Variants in COL23A1 observed in about 807,000 individuals in gnomAD.
The protein encoded by COL23A1 is collagen type XXIII alpha 1 chain.
In COL23A1, 97 loss-of-function variants were observed where a neutral mutation model predicts 99.3. The observed-to-expected ratio is 0.98, with a 90% CI of 0.83 to 1.16. The LOEUF is 1.16. Among genes scored for constraint, COL23A1 ranks in the 50% most tolerant of loss-of-function variants. The pLI is 0.00. For synonymous variants in COL23A1, 320 were observed against 308.2 expected, an observed-to-expected ratio of 1.04 and a Z score of -0.40; for missense variants, 762 against 757.4, an observed-to-expected ratio of 1.01 and a Z score of -0.07.
intron 2 of COL23A1, among the ~76,000 whole-genome samples, chr5:178,432,898 T>TC (rs138380374): frequency 1.8e-3 from 267 of 152,100 alleles, no homozygotes; most frequent in African/African-American, 6.0e-3. Context: ...TCACTAGGAC[T>TC]CCCCAGAGCT....
At chr5:178,251,679 G>A (rs1187931324) in intron 17 of COL23A1, among the ~76,000 whole-genome samples, 1 of 152,140 alleles carries the variant, frequency 6.6e-6, no homozygotes, top group Non-Finnish European at 1.5e-5. Context: ...GTCACCCAAG[G>A]GGTGAACATA....
At chr5:178,259,633 CCCCATCCCCAT>C in intron 12 of COL23A1, 77 bp downstream of exon 12, 4 of 641,960 alleles carry the variant, frequency 6.2e-6, no homozygotes, top group Non-Finnish European at 1.1e-5. Context: ...CCGTCCCCAT[CCCCATCCCCAT>C]TCCGTCCCAG....
At chr5:178,570,541 C>A (rs1763042611) in intron 1 of COL23A1, among the ~76,000 whole-genome samples, 1 of 152,192 alleles carries the variant, frequency 6.6e-6, no homozygotes, top group African/African-American at 2.4e-5. Flanking sequence ...AAGACCAGAT[C>A]ATGAATTTAC....
chr5:178,272,856 C>T (rs961819356), intron 5 of COL23A1, among the ~76,000 whole-genome samples: 1 of 152,170 alleles, frequency 6.6e-6, no homozygotes, highest in African/African-American at 2.4e-5. Flanking sequence ...GGCCGCCAGT[C>T]CTTCCTGGGT....
At chr5:178,478,806 G>C (rs1195912733) in intron 2 of COL23A1, among the ~76,000 whole-genome samples, 2 of 152,084 alleles carry the variant, frequency 1.3e-5, no homozygotes, top group Admixed American at 1.3e-4. Context: ...GAGCCTTCTG[G>C]GTGCCCTCTT....
Position 178,238,570 on chromosome 5 carries a change from T to C in COL23A1, c.*128A>G, listed in dbSNP as rs1397999276. 22 of 1,282,260 alleles carry C rather than the reference T, an allele frequency of 1.7e-5. No homozygotes were observed. Among genetic ancestry groups the C allele is most frequent in the Non-Finnish European group, 2.2e-5 (20 of 894,970 alleles). The allele number at this position is 1,282,260 out of a possible 1,614,324, so 79.4% of individuals were successfully genotyped here. ...CGGTGGCTTTGGGGCTGGGTGGGCA[T>C]ACTCTTGAATGTTAAAAGGCCACAG... On this transcript the variant is annotated 3_prime_UTR_variant, in exon 29 of 29. Coordinates refer to ENST00000390654, the MANE Select transcript of COL23A1 (RefSeq NM_173465.4).
intron 2 of COL23A1, among the ~76,000 whole-genome samples, chr5:178,311,484 CTGTG>C (rs1006253790): frequency 1.5e-4 from 9 of 58,126 alleles, no homozygotes; most frequent in East Asian, 4.9e-4. Flanking sequence ...GTTCTTTCCT[CTGTG>C]TGTGTGTGTG....
At chr5:178,519,352 G>T (rs1173659154) in intron 2 of COL23A1, among the ~76,000 whole-genome samples, 1 of 152,238 alleles carries the variant, frequency 6.6e-6, no homozygotes, top group Non-Finnish European at 1.5e-5. Context: ...CCCAGCTGCT[G>T]TGGGGTGTGC....
At chr5:178,542,636 C>A (rs1015346874) in intron 2 of COL23A1, among the ~76,000 whole-genome samples, 1 of 150,624 alleles carries the variant, frequency 6.6e-6, no homozygotes, top group Non-Finnish European at 1.5e-5. Context: ...GGAAGAGGTC[C>A]AGGAAGGCAG....
chr5:178,291,437 C>T (rs1757453528), intron 3 of COL23A1, among the ~76,000 whole-genome samples: 1 of 152,200 alleles, frequency 6.6e-6, no homozygotes, highest in Non-Finnish European at 1.5e-5. Context: ...CTGACCCAGG[C>T]TGGGCCGAGT....
chr5:178,457,205 C>T (rs1346411614), intron 2 of COL23A1, among the ~76,000 whole-genome samples: 4 of 152,086 alleles, frequency 2.6e-5, no homozygotes, highest in Non-Finnish European at 1.5e-5. Flanking sequence ...ATGTTTATCA[C>T]ATCATTCTTT....
intron 8 of COL23A1, among the ~76,000 whole-genome samples, chr5:178,266,197 C>T (rs1298814373): frequency 2.0e-5 from 3 of 152,062 alleles, no homozygotes; most frequent in Admixed American, 2.0e-4. Context: ...CACACCTCCA[C>T]ACCCGGCTAA....
intron 5 of COL23A1, among the ~76,000 whole-genome samples, chr5:178,278,910 G>A (rs1044651672): frequency 1.3e-5 from 2 of 152,162 alleles, no homozygotes; most frequent in Non-Finnish European, 2.9e-5. Context: ...GGCCAGCCCT[G>A]GGGTAAATGA....
chr5:178,320,897 A>T (rs1391622590), intron 2 of COL23A1, among the ~76,000 whole-genome samples: 2 of 152,126 alleles, frequency 1.3e-5, no homozygotes, highest in Non-Finnish European at 2.9e-5. Flanking sequence ...CCAGAGCTGG[A>T]TCCTGCCTCC....
intron 2 of COL23A1, among the ~76,000 whole-genome samples, chr5:178,374,627 T>C (rs1251411432): frequency 2.0e-4 from 31 of 152,202 alleles, no homozygotes; most frequent in Admixed American, 2.0e-3. Context: ...AGTGAAGGTG[T>C]TGTCAGTGTC....
chr5:178,384,422 A>C lies in COL23A1; in HGVS notation c.362-77503T>G, dbSNP rs1165209496. On this transcript the variant is annotated intron_variant, in intron 2 of 28. Coordinates refer to ENST00000390654, the MANE Select transcript of COL23A1 (RefSeq NM_173465.4). The surrounding 1 kb of genome is among the most constrained non-coding windows in gnomAD (Gnocchi z 5.5). ...CCGGGGCTGTTCATCCGGGTAGTAA[A>C]CCAGGCTTCGGCTTTCCAAGCCAGA... 6.6e-6 allele frequency among the ~76,000 whole-genome samples: 1 copy of C among 152,142 alleles called. No homozygotes were observed. Among genetic ancestry groups the C allele is most frequent in the Non-Finnish European group, 1.5e-5 (1 of 68,030 alleles).
At chr5:178,453,860 T>C (rs1413246042) in intron 2 of COL23A1, among the ~76,000 whole-genome samples, 7 of 152,160 alleles carry the variant, frequency 4.6e-5, no homozygotes, top group South Asian at 4.1e-4. Context: ...ACCTACTCCA[T>C]GCCATGCCTG....
chr5:178,392,835 C>T (rs956026693), intron 2 of COL23A1, among the ~76,000 whole-genome samples: 4 of 152,186 alleles, frequency 2.6e-5, no homozygotes, highest in Admixed American at 2.6e-4. Flanking sequence ...CAAGACCCAA[C>T]GTGGCCAAGC....
intron 2 of COL23A1, among the ~76,000 whole-genome samples, chr5:178,345,853 G>T (rs1760939445): frequency 6.6e-6 from 1 of 152,016 alleles, no homozygotes; most frequent in Non-Finnish European, 1.5e-5. Context: ...AATGAAATTA[G>T]ATCATTAATA....
Sources: gnomAD v4.1 joint callset for allele counts (sites outside exome capture counted in the v4.1 genomes callset) on GRCh38, gnomAD v4.1.1 for gene constraint, Gnocchi (gnomAD v3.1) non-coding constraint, MANE v1.5 for transcripts, NCBI Gene and HGNC (gene_info 2026-07-23, HGNC 2026-07-21) for gene names.